FRMPD4: variants seen among roughly 807,000 people sequenced by gnomAD.
The protein encoded by FRMPD4 is FERM and PDZ domain-containing protein 4.
Under a neutral mutation model 94.1 loss-of-function variants are expected in FRMPD4, and 22 were observed. The ratio of observed to expected loss-of-function variants is 0.23; its 90% CI spans 0.17 to 0.33. The LOEUF is 0.33. Ranked by LOEUF, FRMPD4 falls within the 10% of genes least tolerant of loss-of-function variation. The probability of loss-of-function intolerance (pLI) is 1.00; values close to 1 mark genes in which losing one functional copy is unlikely to be tolerated. For missense variants in FRMPD4, 1,111 were observed against 1,339.9 expected (o/e 0.83, Z 2.67); for synonymous variants, 631 against 548.6 (o/e 1.15, Z -2.10).
At chrX:12,383,364 G>A (rs1377508960) in intron 1 of FRMPD4, among the ~76,000 whole-genome samples, 1 of 111,627 alleles carries the variant, frequency 9.0e-6, no homozygotes, top group African/African-American at 3.3e-5. Context: ...ATCTGGTGGT[G>A]GGGGCAGGCA....
At chrX:12,088,658 G>A (rs931486458) in intron 3 of FRMPD4, among the ~76,000 whole-genome samples, 1 of 111,892 alleles carries the variant, frequency 8.9e-6, no homozygotes, top group African/African-American at 3.3e-5. Context: ...GAGTAGAACA[G>A]CTGTTCTTTC....
At chrX:12,383,765 AC>A (rs1035746847) in intron 1 of FRMPD4, among the ~76,000 whole-genome samples, 6 of 111,863 alleles carry the variant, frequency 5.4e-5, no homozygotes, top group African/African-American at 2.0e-4. Context: ...TTCTAATCAA[AC>A]ACTTGACGTG....
At chrX:12,139,795 G>A (rs1205278881) in intron 1 of FRMPD4, among the ~76,000 whole-genome samples, 1 of 111,599 alleles carries the variant, frequency 9.0e-6, no homozygotes, top group South Asian at 3.8e-4. Context: ...TAAGGTTTGT[G>A]CTGCTTGCTA....
chrX:11,917,253 A>G (rs2054029622), intron 3 of FRMPD4, among the ~76,000 whole-genome samples: 1 of 112,279 alleles, frequency 8.9e-6, no homozygotes, highest in Non-Finnish European at 1.9e-5. Flanking sequence ...GATATTGATG[A>G]GGATGCAGAA....
At chrX:12,475,268 C>T (rs1221192468) in intron 1 of FRMPD4, among the ~76,000 whole-genome samples, 1 of 112,088 alleles carries the variant, frequency 8.9e-6, no homozygotes, top group Admixed American at 9.5e-5. Context: ...GACAGCCCTT[C>T]GTGCTAAAAA....
chrX:12,165,165 G>C (rs1486820928), intron 1 of FRMPD4, among the ~76,000 whole-genome samples: 1 of 111,859 alleles, frequency 8.9e-6, no homozygotes, highest in Non-Finnish European at 1.9e-5. Context: ...TTTTCTTCTA[G>C]GGTTTTTATG....
At chrX:12,398,827 T>A (rs2056575708) in intron 1 of FRMPD4, among the ~76,000 whole-genome samples, 1 of 112,066 alleles carries the variant, frequency 8.9e-6, no homozygotes. Flanking sequence ...TTTTAGGCTA[T>A]AATTGTTTCA....
intron 3 of FRMPD4, among the ~76,000 whole-genome samples, chrX:11,904,984 T>C (rs1032684901): frequency 8.9e-6 from 1 of 112,184 alleles, no homozygotes; most frequent in Non-Finnish European, 1.9e-5. Context: ...AGGAACTTGA[T>C]TTTGTTTAGG....
chrX:11,987,357 A>G (rs2054437119), intron 3 of FRMPD4, among the ~76,000 whole-genome samples: 1 of 111,255 alleles, frequency 9.0e-6, no homozygotes, highest in Non-Finnish European at 1.9e-5. Flanking sequence ...AAAGCACTGG[A>G]GAAAATTCAA....
chrX:12,169,224 C>T (rs1232326753), intron 1 of FRMPD4, among the ~76,000 whole-genome samples: 2 of 111,398 alleles, frequency 1.8e-5, no homozygotes, highest in Non-Finnish European at 3.8e-5. Flanking sequence ...CCCCTAAATA[C>T]AAAGGAAAGG....
intron 1 of FRMPD4, among the ~76,000 whole-genome samples, chrX:12,190,012 CTA>C (rs1203609706): frequency 9.0e-6 from 1 of 111,637 alleles, no homozygotes; most frequent in Non-Finnish European, 1.9e-5. Flanking sequence ...TAATAAATGA[CTA>C]TTGCATGGTT....
chrX:12,494,058 A>G (rs2057819835), intron 1 of FRMPD4, among the ~76,000 whole-genome samples: 1 of 112,398 alleles, frequency 8.9e-6, no homozygotes, highest in African/African-American at 3.2e-5. Context: ...TATCACTATT[A>G]GACTCTAAGC....
chrX:12,325,939 G>A (rs1038269466), intron 1 of FRMPD4, among the ~76,000 whole-genome samples: 7 of 112,110 alleles, frequency 6.2e-5, no homozygotes, highest in Non-Finnish European at 7.5e-5. Flanking sequence ...TGAAGAGCAC[G>A]CTGTTTCACT....
At position 12,139,551 on chromosome X, in the gene FRMPD4, TG is replaced by T. The variant is rs368733965; in HGVS notation, c.41+549del. Among the ~76,000 whole-genome samples, 552 of 81,591 alleles carry T rather than the reference TG, an allele frequency of 6.8e-3. 2 individuals are homozygous for T. The highest frequency in any genetic ancestry group is 0.023 in the South Asian group (30 of 1,289). The allele number at this position is 81,591 out of a possible 115,157, so 70.9% of individuals were successfully genotyped here. ...GAAAGACTTTCAGCCTTTTTTTTTT[TG>T]GGGGGGGGGTAACTATATTCTTAAG... On this transcript the variant is annotated intron_variant, in intron 1 of 16. Transcript: ENST00000675598.
At chrX:12,705,566 T>A (rs1161117739) in intron 11 of FRMPD4, among the ~76,000 whole-genome samples, 1 of 111,338 alleles carries the variant, frequency 9.0e-6, no homozygotes, top group Non-Finnish European at 1.9e-5. Flanking sequence ...TTCAACACAC[T>A]ATCAGCCACC....
chrX:12,299,869 C>G (rs186282373), intron 1 of FRMPD4, among the ~76,000 whole-genome samples: 160 of 112,169 alleles, frequency 1.4e-3, no homozygotes, highest in African/African-American at 5.0e-3. Flanking sequence ...TTTCACAAGT[C>G]AATTCTAAAA....
At chrX:12,381,797 A>G (rs1207812398) in intron 1 of FRMPD4, among the ~76,000 whole-genome samples, 1 of 111,657 alleles carries the variant, frequency 9.0e-6, no homozygotes, top group Admixed American at 9.5e-5. Context: ...ATACCAGGGG[A>G]TGAGAACAAA....
intron 3 of FRMPD4, among the ~76,000 whole-genome samples, chrX:12,014,390 G>A (rs896078541): frequency 8.9e-6 from 1 of 111,895 alleles, no homozygotes; most frequent in Non-Finnish European, 1.9e-5. Flanking sequence ...AATGACAAGT[G>A]AATCCTATCT....
At chrX:12,484,806 A>G in intron 1 of FRMPD4, among the ~76,000 whole-genome samples, 1 of 112,093 alleles carries the variant, frequency 8.9e-6, no homozygotes, top group Non-Finnish European at 1.9e-5. Context: ...ATGAAGCCAC[A>G]TGGAGTTGTG....
Sources: gnomAD v4.1 joint callset for allele counts (sites outside exome capture counted in the v4.1 genomes callset) on GRCh38, gnomAD v4.1.1 for gene constraint, MANE v1.5 for transcripts, NCBI Gene and HGNC (gene_info 2026-07-23, HGNC 2026-07-21) for gene names.